The following OCA2 variants were observed in gnomAD, a reference collection of about 807,000 sequenced individuals.
OCA2 encodes P protein.
A neutral mutation model predicts 100.2 loss-of-function variants in OCA2; 77 were observed. That is an observed-to-expected ratio of 0.77 (90% CI 0.64 to 0.93). The LOEUF is 0.93. Among genes scored for constraint, OCA2 ranks in the 40% least tolerant of loss-of-function variants. The probability of loss-of-function intolerance (pLI) is 0.00; values close to 1 mark genes in which losing one functional copy is unlikely to be tolerated. For missense variants in OCA2, 1,062 were observed against 1,089.1 expected, an observed-to-expected ratio of 0.98 and a Z score of 0.35; for synonymous variants, 432 against 439.2, an observed-to-expected ratio of 0.98 and a Z score of 0.21.
At chr15:27,769,246 G>A (rs967419865) in intron 23 of OCA2, among the ~76,000 whole-genome samples, 1 of 152,210 alleles carries the variant, frequency 6.6e-6, no homozygotes, top group African/African-American at 2.4e-5. Context: ...AGGCACTTGC[G>A]TGTCAAAGCA....
intron 1 of OCA2, among the ~76,000 whole-genome samples, chr15:28,083,447 T>C (rs955616398): frequency 1.3e-5 from 2 of 152,216 alleles, no homozygotes; most frequent in East Asian, 1.9e-4. Context: ...AGGCAGGCCA[T>C]GTCGGCAGAA....
intron 5 of OCA2, 78 bp downstream of exon 5, chr15:28,024,767 T>A (rs948901613): frequency 6.9e-7 from 1 of 1,458,172 alleles, no homozygotes; most frequent in African/African-American, 1.4e-5. Flanking sequence ...ACACCTCAGG[T>A]TCCCCCTGCT....
chr15:27,842,688 T>C (rs2035384584), intron 23 of OCA2, among the ~76,000 whole-genome samples: 1 of 152,178 alleles, frequency 6.6e-6, no homozygotes, highest in Admixed American at 6.5e-5. Context: ...GGACACACTC[T>C]CCATCCAAGA....
At chr15:27,892,762 G>T (rs1033832175) in intron 19 of OCA2, among the ~76,000 whole-genome samples, 2 of 152,050 alleles carry the variant, frequency 1.3e-5, no homozygotes, top group African/African-American at 4.8e-5. Flanking sequence ...GAAAATCAAA[G>T]GAGAAAAGGC....
intron 2 of OCA2, among the ~76,000 whole-genome samples, chr15:28,057,251 T>C (rs1445960235): frequency 6.6e-6 from 1 of 152,216 alleles, no homozygotes; most frequent in Non-Finnish European, 1.5e-5. Context: ...TCTCCAGTGC[T>C]TGTAGGTGAT....
At chr15:28,021,808 AG>A (rs1025351163) in intron 6 of OCA2, among the ~76,000 whole-genome samples, 27 of 152,290 alleles carry the variant, frequency 1.8e-4, no homozygotes, top group Admixed American at 1.3e-3. Context: ...AGAAGGTAGG[AG>A]GGGAAAAAGT....
chr15:28,001,014 A>C (rs1185913783), intron 9 of OCA2, among the ~76,000 whole-genome samples: 1 of 152,190 alleles, frequency 6.6e-6, no homozygotes, highest in African/African-American at 2.4e-5. Context: ...GTGGGGGTGC[A>C]AATTAGTACA....
At chr15:27,884,310 G>A (rs575979737) in intron 19 of OCA2, among the ~76,000 whole-genome samples, 1 of 152,290 alleles carries the variant, frequency 6.6e-6, no homozygotes, top group East Asian at 1.9e-4. Context: ...GGGGAGTAGA[G>A]GTTGCAGTGA....
At chr15:27,978,679 G>C (rs999323157) in intron 14 of OCA2, among the ~76,000 whole-genome samples, 1 of 151,944 alleles carries the variant, frequency 6.6e-6, no homozygotes, top group African/African-American at 2.4e-5. Context: ...TATAGAGAGA[G>C]AGAGAGAGAC....
intron 18 of OCA2, among the ~76,000 whole-genome samples, chr15:27,943,616 A>T (rs1375326169): frequency 1.3e-5 from 2 of 150,940 alleles, no homozygotes; most frequent in Admixed American, 1.3e-4. Flanking sequence ...ACACGTATAC[A>T]TATGTAACTA....
chr15:27,741,125 C>T, the OCA2 span, among the ~76,000 whole-genome samples: 1 of 152,226 alleles, frequency 6.6e-6, no homozygotes, highest in Admixed American at 6.5e-5. Flanking sequence ...AGGCCTCTAA[C>T]CCTCACCAAG....
chr15:27,997,097 A>AGAGAAAGAAAGAAC (rs1337547134), intron 9 of OCA2, among the ~76,000 whole-genome samples: 1 of 119,090 alleles, frequency 8.4e-6, no homozygotes, highest in Non-Finnish European at 2.0e-5. Context: ...AAAGAAAGAA[A>AGAGAAAGAAAGAAC]GGAAGAAAGA....
At chr15:28,067,404 T>C (rs1374086643) in intron 2 of OCA2, among the ~76,000 whole-genome samples, 3 of 152,194 alleles carry the variant, frequency 2.0e-5, no homozygotes, top group Non-Finnish European at 4.4e-5. Context: ...GTTTGTTCCT[T>C]TCTCTCTAGT....
chr15:28,050,584 A>G (rs1036038354), intron 2 of OCA2, among the ~76,000 whole-genome samples: 2 of 143,386 alleles, frequency 1.4e-5, no homozygotes, highest in Non-Finnish European at 3.0e-5. Context: ...AAAAAAAAAA[A>G]GACCAGTGCC....
At chr15:27,871,722 C>G (rs1374370484) in intron 20 of OCA2, 141 bp downstream of exon 20, 2 of 696,718 alleles carry the variant, frequency 2.9e-6, no homozygotes, top group Non-Finnish European at 5.1e-6. Context: ...CTGGGCTGCA[C>G]AGGATAGAAC....
At chr15:28,083,213 C>T (rs2044707689) in intron 1 of OCA2, among the ~76,000 whole-genome samples, 2 of 152,240 alleles carry the variant, frequency 1.3e-5, no homozygotes, top group Admixed American at 1.3e-4. Context: ...TGACTCAAAG[C>T]AAGTACAAGA....
At chr15:27,745,758 T>C in the OCA2 span, among the ~76,000 whole-genome samples, 1 of 152,234 alleles carries the variant, frequency 6.6e-6, no homozygotes, top group Non-Finnish European at 1.5e-5. Context: ...TTGCCATCTA[T>C]AGCATCTAAG....
chr15:27,926,315 T>G, intron 18 of OCA2, 61 bp from the exon 19 acceptor site: 1 of 1,590,642 alleles, frequency 6.3e-7, no homozygotes, highest in South Asian at 1.1e-5. Flanking sequence ...GATTCATTTC[T>G]TTAACCTCTG....
chr15:27,873,071 G>A (rs1332276619), intron 19 of OCA2, among the ~76,000 whole-genome samples: 1 of 152,216 alleles, frequency 6.6e-6, no homozygotes, highest in East Asian at 1.9e-4. Flanking sequence ...AAGCTATGGA[G>A]CCCAAATGTT....
Sources: allele counts gnomAD v4.1 joint callset (sites outside exome capture counted in the v4.1 genomes callset), GRCh38; gene constraint gnomAD v4.1.1; transcripts MANE v1.5; gene names NCBI Gene and HGNC (gene_info 2026-07-23, HGNC 2026-07-21).